The following KIF21A variants were observed in gnomAD, a reference collection of about 807,000 sequenced individuals.
KIF21A encodes the protein kinesin family member 21A, also known as kinesin-like protein KIF21A.
KIF21A carries 114 observed loss-of-function variants against 202.9 expected under a neutral mutation model. The ratio of observed to expected loss-of-function variants is 0.56; its 90% CI spans 0.48 to 0.66. The LOEUF is 0.66. KIF21A is among the 30% of genes least tolerant of loss of function. The pLI, the probability that KIF21A is intolerant of heterozygous loss-of-function variation, is 0.00. For synonymous variants in KIF21A, 667 were observed against 670.8 expected, an observed-to-expected ratio of 0.99 and a Z score of 0.09; for missense variants, 1,677 against 1,994.9, an observed-to-expected ratio of 0.84 and a Z score of 3.04.
intron 1 of KIF21A, among the ~76,000 whole-genome samples, chr12:39,439,420 T>G (rs955484680): frequency 6.6e-6 from 1 of 152,174 alleles, no homozygotes; most frequent in Non-Finnish European, 1.5e-5. Context: ...TTCTTCAGAG[T>G]AAGCCTTTGA....
At chr12:39,357,159 T>G (rs576311660) in intron 9 of KIF21A, 89 bp downstream of exon 9, 2 of 1,146,662 alleles carry the variant, frequency 1.7e-6, no homozygotes, top group Admixed American at 1.7e-5. Context: ...GCATTTCTAT[T>G]TCAACTATGC....
chr12:39,330,063 G>A (rs1946374269), intron 24 of KIF21A, 179 bp downstream of exon 24: 2 of 558,144 alleles, frequency 3.6e-6, no homozygotes, highest in Admixed American at 6.3e-5. Context: ...TTTAAAATCA[G>A]GAATGTTTAA....
intron 1 of KIF21A, among the ~76,000 whole-genome samples, chr12:39,416,813 G>A (rs1009474317): frequency 1.7e-4 from 17 of 98,674 alleles, no homozygotes; most frequent in Non-Finnish European, 3.2e-4. Context: ...ATATATATGT[G>A]TGTATATATG....
chr12:39,319,495 T>C (rs1453830189), intron 28 of KIF21A, among the ~76,000 whole-genome samples: 1 of 152,176 alleles, frequency 6.6e-6, no homozygotes, highest in Admixed American at 6.5e-5. Context: ...TTAGTTTTTC[T>C]GTCAGCCACT....
intron 15 of KIF21A, 145 bp from the exon 16 acceptor site, chr12:39,340,509 CTTT>C: frequency 1.5e-6 from 1 of 647,920 alleles, no homozygotes; most frequent in South Asian, 1.9e-5. Context: ...ATCATTCTCT[CTTT>C]TATTATCTAC....
At chr12:39,365,227 T>C (rs2139064746) in intron 6 of KIF21A, among the ~76,000 whole-genome samples, 1 of 152,320 alleles carries the variant, frequency 6.6e-6, no homozygotes, top group African/African-American at 2.4e-5. Flanking sequence ...AGAGACTAAT[T>C]TGAGTAATAA....
chr12:39,374,239 T>C (rs1950132384), intron 1 of KIF21A, among the ~76,000 whole-genome samples: 1 of 152,182 alleles, frequency 6.6e-6, no homozygotes, highest in Admixed American at 6.6e-5. Flanking sequence ...TGAGGTTCTA[T>C]ATAGATGAAA....
At chr12:39,432,981 T>C (rs1938164283) in intron 1 of KIF21A, among the ~76,000 whole-genome samples, 1 of 152,166 alleles carries the variant, frequency 6.6e-6, no homozygotes, top group African/African-American at 2.4e-5. Context: ...ATCAACACAC[T>C]GATTACAACA....
chr12:39,370,544 T>C (rs1039240820), intron 1 of KIF21A, among the ~76,000 whole-genome samples: 3 of 152,276 alleles, frequency 2.0e-5, no homozygotes, highest in Non-Finnish European at 4.4e-5. Context: ...ATACTTTTCC[T>C]CTACTCTGTA....
chr12:39,303,202 C>G (rs1376380661), intron 35 of KIF21A, 67 bp from the exon 36 acceptor site: 4 of 1,327,100 alleles, frequency 3.0e-6, no homozygotes, highest in Non-Finnish European at 4.3e-6. Context: ...TTTGTACAGT[C>G]CTAGAAACAC....
At chr12:39,328,524 C>A (rs1020191535) in intron 24 of KIF21A, among the ~76,000 whole-genome samples, 2 of 152,138 alleles carry the variant, frequency 1.3e-5, no homozygotes, top group Non-Finnish European at 2.9e-5. Flanking sequence ...AGTCTTCTAG[C>A]AAATCTCTGA....
intron 16 of KIF21A, among the ~76,000 whole-genome samples, chr12:39,338,180 TC>T (rs1485240000): frequency 6.6e-6 from 1 of 152,188 alleles, no homozygotes; most frequent in Non-Finnish European, 1.5e-5. Flanking sequence ...ATATTGATGA[TC>T]CTCACTCTGC....
At chr12:39,400,004 A>G (rs1952043936) in intron 1 of KIF21A, among the ~76,000 whole-genome samples, 1 of 152,204 alleles carries the variant, frequency 6.6e-6, no homozygotes, top group South Asian at 2.1e-4. Context: ...TCTATTTACC[A>G]CATGTACCTC....
At chr12:39,383,510 C>T (rs920028252) in intron 1 of KIF21A, among the ~76,000 whole-genome samples, 1 of 152,150 alleles carries the variant, frequency 6.6e-6, no homozygotes, top group Admixed American at 6.5e-5. Flanking sequence ...TTCAATTTAA[C>T]AAATAATTTA....
At chr12:39,394,987 T>C (rs1951628860) in intron 1 of KIF21A, among the ~76,000 whole-genome samples, 1 of 152,180 alleles carries the variant, frequency 6.6e-6, no homozygotes, top group South Asian at 2.1e-4. Flanking sequence ...ACCTAATCCA[T>C]TATGAAGATC....
At chr12:39,300,143 T>C (rs542556134) in intron 37 of KIF21A, among the ~76,000 whole-genome samples, 24 of 152,174 alleles carry the variant, frequency 1.6e-4, no homozygotes, top group African/African-American at 5.8e-4. Context: ...TCTTCAAAAC[T>C]GAGACCATAT....
Position 39,442,850 on chromosome 12 carries a change from T to G in KIF21A, c.44+77A>C. 1 of 1,494,966 alleles carries G rather than the reference T, an allele frequency of 6.7e-7. No homozygotes were observed. The allele number at this position is 1,494,966 out of a possible 1,614,324, so 92.6% of individuals were successfully genotyped here. On this transcript the variant is annotated intron_variant, in intron 1 of 37. Coordinates refer to ENST00000361418, the MANE Select transcript of KIF21A (RefSeq NM_001173464.2). The surrounding 1 kb of genome is among the most constrained non-coding windows in gnomAD (Gnocchi z 5.0). Reference sequence around the variant, plus strand: ...CAGGTCGCTCCACCCCGGTAGCCGGTGCTCCGCGCCACAGCCAGGTCCTTG... The same window carrying G: ...CAGGTCGCTCCACCCCGGTAGCCGGGGCTCCGCGCCACAGCCAGGTCCTTG...
chr12:39,351,457 A>T (rs924617202), intron 11 of KIF21A, among the ~76,000 whole-genome samples: 2 of 152,144 alleles, frequency 1.3e-5, no homozygotes, highest in African/African-American at 2.4e-5. Context: ...GTAATGGTAC[A>T]GCAAGCTTTG....
intron 7 of KIF21A, among the ~76,000 whole-genome samples, chr12:39,361,925 C>A (rs921288187): frequency 2.0e-5 from 3 of 152,188 alleles, no homozygotes; most frequent in African/African-American, 7.2e-5. Context: ...ACACAAATCT[C>A]ATGTAAAATT....
Sources: gnomAD v4.1 joint callset for allele counts (sites outside exome capture counted in the v4.1 genomes callset) on GRCh38, gnomAD v4.1.1 for gene constraint, Gnocchi (gnomAD v3.1) non-coding constraint, MANE v1.5 for transcripts, NCBI Gene and HGNC (gene_info 2026-07-23, HGNC 2026-07-21) for gene names.